Variants in DAW1 observed in about 807,000 individuals in gnomAD.
DAW1 encodes dynein assembly factor with WD repeat domains 1.
A neutral mutation model predicts 56.5 loss-of-function variants in DAW1; 47 were observed. The ratio of observed to expected loss-of-function variants is 0.83; its 90% CI spans 0.66 to 1.06. The LOEUF (loss-of-function observed/expected upper bound fraction) is 1.06. Among genes scored for constraint, DAW1 ranks in the 50% least tolerant of loss-of-function variants. DAW1 has a pLI of 0.00. For missense variants in DAW1, 505 were observed against 499.3 expected (o/e 1.01, Z -0.11); for synonymous variants, 190 against 179.0 (o/e 1.06, Z -0.49).
intron 1 of DAW1, among the ~76,000 whole-genome samples, chr2:227,882,345 G>A (rs550556158): frequency 2.0e-5 from 3 of 152,294 alleles, no homozygotes; most frequent in African/African-American, 7.2e-5. Flanking sequence ...AGGTGAAACT[G>A]CTGGTGCCTT....
intron 10 of DAW1, chr2:227,912,485 T>C (rs766920346): frequency 5.1e-5 from 66 of 1,301,842 alleles, no homozygotes; most frequent in Non-Finnish European, 6.4e-5. Context: ...CTACATGCTG[T>C]GTTCCTTATC....
chr2:227,897,359 A>G (rs1315161344), intron 5 of DAW1, among the ~76,000 whole-genome samples: 1 of 152,128 alleles, frequency 6.6e-6, no homozygotes, highest in Non-Finnish European at 1.5e-5. Flanking sequence ...GGGGAGAATC[A>G]AGGCATCAAT....
chr2:227,912,376 G>T, intron 10 of DAW1: 2 of 1,304,734 alleles, frequency 1.5e-6, no homozygotes, highest in Non-Finnish European at 2.0e-6. Context: ...TCACGTTCTT[G>T]GTAATCATGT....
At chr2:227,910,378 A>G (rs1256629608) in intron 10 of DAW1, among the ~76,000 whole-genome samples, 1 of 152,076 alleles carries the variant, frequency 6.6e-6, no homozygotes, top group East Asian at 1.9e-4. Context: ...TAAGCTGAGG[A>G]AAATAACCTG....
intron 11 of DAW1, 65 bp from the exon 12 acceptor site, chr2:227,921,326 TTTTTTTTG>T: frequency 1.5e-5 from 11 of 753,424 alleles, no homozygotes; most frequent in Admixed American, 1.1e-4. Flanking sequence ...TTTTTTTTTT[TTTTTTTTG>T]CTGATAAGAA....
At chr2:227,916,797 C>G (rs573686365) in intron 10 of DAW1, among the ~76,000 whole-genome samples, 1 of 152,252 alleles carries the variant, frequency 6.6e-6, no homozygotes, top group East Asian at 1.9e-4. Context: ...TATACTATGT[C>G]TGCGTTATCT....
At chr2:227,879,589 T>G (rs1424407828) in intron 1 of DAW1, among the ~76,000 whole-genome samples, 1 of 151,956 alleles carries the variant, frequency 6.6e-6, no homozygotes, top group Admixed American at 6.5e-5. Context: ...TTGTATTTCA[T>G]GTACTTACAA....
intron 1 of DAW1, among the ~76,000 whole-genome samples, chr2:227,882,732 G>T (rs867269424): frequency 2.0e-5 from 3 of 152,180 alleles, no homozygotes; most frequent in African/African-American, 7.2e-5. Context: ...ATTGGATCAG[G>T]GGGAGGTTCC....
intron 1 of DAW1, among the ~76,000 whole-genome samples, chr2:227,879,931 C>T (rs996723529): frequency 6.6e-6 from 1 of 152,226 alleles, no homozygotes; most frequent in Non-Finnish European, 1.5e-5. Flanking sequence ...ATCAAAACCA[C>T]ACTTTATTGT....
intron 1 of DAW1, among the ~76,000 whole-genome samples, chr2:227,884,553 G>T (rs550084382): frequency 1.3e-5 from 2 of 152,288 alleles, no homozygotes; most frequent in Non-Finnish European, 2.9e-5. Flanking sequence ...ACTGTCCTTT[G>T]TTTTTTCGGG....
chr2:227,908,571 T>C (rs11680252), intron 10 of DAW1, among the ~76,000 whole-genome samples: 33,821 of 152,064 alleles, frequency 0.22, 3,833 homozygotes, highest in Non-Finnish European at 0.26. Flanking sequence ...TGATGATTCA[T>C]TGTGTCTGCA....
Position 227,905,079 on chromosome 2 carries a change from GT to G in DAW1, c.755+46del, listed in dbSNP as rs565046798. 407 of 1,539,020 alleles carry G rather than the reference GT, an allele frequency of 2.6e-4. 1 individual carries two copies. The African/African-American group carries it at 5.1e-3, about 19-fold the overall frequency. On this transcript the variant is annotated intron_variant, in intron 8 of 12. Transcript: ENST00000309931. ...GAATTGTTTTAACCTGGATCAGGGG[GT>G]TCAGAAAACCCTCTGTTATTTTTTA... is the stretch of plus-strand genomic sequence containing the variant.
intron 10 of DAW1, among the ~76,000 whole-genome samples, chr2:227,914,841 T>C (rs1454091906): frequency 1.1e-4 from 17 of 152,136 alleles, no homozygotes; most frequent in Admixed American, 1.1e-3. Flanking sequence ...ATATATGTCA[T>C]CCTTTTAATC....
chr2:227,883,248 T>C (rs1202910477), intron 1 of DAW1, among the ~76,000 whole-genome samples: 4 of 152,346 alleles, frequency 2.6e-5, no homozygotes, highest in African/African-American at 7.2e-5. Context: ...CAGAAAACTT[T>C]TGTTTACCAC....
chr2:227,880,252 A>G (rs1304172805), intron 1 of DAW1, among the ~76,000 whole-genome samples: 3 of 151,940 alleles, frequency 2.0e-5, no homozygotes, highest in Non-Finnish European at 4.4e-5. Context: ...AGCTTTTTGT[A>G]TTCTATTTAT....
intron 1 of DAW1, chr2:227,876,366 C>T (rs891620857): frequency 1.2e-5 from 14 of 1,151,522 alleles, no homozygotes; most frequent in African/African-American, 3.2e-5. Context: ...CTCATGTTTG[C>T]GACTATTGCC....
intron 6 of DAW1, among the ~76,000 whole-genome samples, chr2:227,901,955 A>C (rs1191596916): frequency 6.6e-6 from 1 of 152,170 alleles, no homozygotes; most frequent in East Asian, 1.9e-4. Flanking sequence ...ATGCCTCTAC[A>C]TCCGAGACTG....
Position 227,876,860 on chromosome 2 carries a change from G to T in DAW1, c.40+5131G>T, listed in dbSNP as rs144104014. Among the ~76,000 whole-genome samples, 232 of 152,282 alleles carry T rather than the reference G, an allele frequency of 1.5e-3. 1 individual carries two copies. Among genetic ancestry groups the T allele is most frequent in the African/African-American group, 4.8e-3 (199 of 41,574 alleles). On this transcript the variant is annotated intron_variant, in intron 1 of 12. Coordinates refer to ENST00000309931, the MANE Select transcript of DAW1 (RefSeq NM_178821.3). ...AGCTAACTCAGTTATGACAATTTTT[G>T]TATTTCATTTATTGTGTGAAGTCCA...
At chr2:227,901,822 G>C (rs1040542443) in intron 6 of DAW1, among the ~76,000 whole-genome samples, 3 of 152,128 alleles carry the variant, frequency 2.0e-5, no homozygotes, top group Non-Finnish European at 4.4e-5. Flanking sequence ...ATAAGATCAA[G>C]GGAGGATTTA....
Sources: allele counts gnomAD v4.1 joint callset (sites outside exome capture counted in the v4.1 genomes callset), GRCh38; gene constraint gnomAD v4.1.1; transcripts MANE v1.5; gene names NCBI Gene and HGNC (gene_info 2026-07-23, HGNC 2026-07-21).